CTNNA1: variants seen among roughly 807,000 people sequenced by gnomAD.
CTNNA1 encodes the protein catenin alpha 1, also known as catenin alpha-1.
Under a neutral mutation model 98.4 loss-of-function variants are expected in CTNNA1, and 37 were observed. The ratio of observed to expected loss-of-function variants is 0.38; its 90% CI spans 0.29 to 0.49. The LOEUF (loss-of-function observed/expected upper bound fraction) is 0.49. Among genes scored for constraint, CTNNA1 ranks in the 20% least tolerant of loss-of-function variants. The probability of loss-of-function intolerance (pLI) is 0.95; values close to 1 mark genes in which losing one functional copy is unlikely to be tolerated. For synonymous variants in CTNNA1, 404 were observed against 413.2 expected (o/e 0.98, Z 0.27); for missense variants, 761 against 1,147.2 (o/e 0.66, Z 4.86).
intron 1 of CTNNA1, among the ~76,000 whole-genome samples, chr5:138,757,178 A>G (rs1257954145): frequency 2.6e-5 from 4 of 152,032 alleles, no homozygotes; most frequent in African/African-American, 9.7e-5. Context: ...CCTGGGTGAC[A>G]GAGTGAGACC....
Position 138,886,217 on chromosome 5 carries a change from A to G in CTNNA1, c.1068A>G (p.Gly356=). ...DLLSEYMGNA[G]RKERSDALNS... ...TCTCTTTTCCTTTTATCCAGGCTGG[A>G]CGTAAAGAAAGAAGTGATGCACTCA... The change falls in exon 8 of 18, where the codon GGA becomes GGG. Residue 356 remains glycine (G), a synonymous_variant. Transcript: ENST00000302763. The G allele has an allele frequency of 6.2e-7, 1 of 1,610,166 alleles. No homozygotes were observed. Among genetic ancestry groups the G allele is most frequent in the Non-Finnish European group, 8.5e-7 (1 of 1,178,352 alleles).
At chr5:138,793,396 T>G (rs561342461) in intron 3 of CTNNA1, among the ~76,000 whole-genome samples, 4 of 152,356 alleles carry the variant, frequency 2.6e-5, no homozygotes, top group African/African-American at 9.6e-5. Context: ...TGTAGCCAGC[T>G]TGGAATTGAG....
At chr5:138,790,784 G>A (rs768976270) in intron 3 of CTNNA1, 1 of 152,224 alleles carries the variant, frequency 6.6e-6, no homozygotes, top group Non-Finnish European at 1.5e-5. Flanking sequence ...AGGTGATTGA[G>A]TGCTGCTGAA....
chr5:138,873,416 G>C lies in CTNNA1; in HGVS notation c.1063-12796G>C. Reference sequence around the variant, plus strand: ...GTAACTTGATGAGCTTATTCTTTTTGTATATTCAGTGGTTGGATCTCTATA... The same window carrying C: ...GTAACTTGATGAGCTTATTCTTTTTCTATATTCAGTGGTTGGATCTCTATA... On this transcript the variant is annotated intron_variant, in intron 7 of 17. Transcript: ENST00000302763. This position sits in a 1 kb window ranked among gnomAD's most constrained non-coding sequence, Gnocchi z 6.1. The C allele has an allele frequency of 5.0e-6, 8 of 1,613,978 alleles. No homozygotes were observed. Among genetic ancestry groups the C allele is most frequent in the African/African-American group, 1.3e-5 (1 of 75,020 alleles).
At chr5:138,918,475 G>C (rs1411974666) in intron 11 of CTNNA1, among the ~76,000 whole-genome samples, 1 of 152,198 alleles carries the variant, frequency 6.6e-6, no homozygotes, top group East Asian at 1.9e-4. Context: ...CTGTCTGCAT[G>C]ATGCACAGAT....
intron 9 of CTNNA1, among the ~76,000 whole-genome samples, chr5:138,892,910 G>C (rs59778237): frequency 4.6e-5 from 7 of 152,012 alleles, no homozygotes; most frequent in Non-Finnish European, 8.8e-5. Context: ...CAGCTACTCG[G>C]GAGGCTGAGG....
intron 1 of CTNNA1, among the ~76,000 whole-genome samples, chr5:138,770,766 C>T (rs1294519190): frequency 1.3e-5 from 2 of 152,116 alleles, no homozygotes; most frequent in African/African-American, 2.4e-5. Context: ...TCCTGGCTAA[C>T]ATGGTGAAAC....
At chr5:138,762,899 G>A (rs532359483) in intron 1 of CTNNA1, among the ~76,000 whole-genome samples, 2 of 152,056 alleles carry the variant, frequency 1.3e-5, no homozygotes, top group African/African-American at 2.4e-5. Context: ...TAGACTAAAA[G>A]GGCTTAACAG....
chr5:138,818,283 G>GA (rs1759659363), intron 5 of CTNNA1, among the ~76,000 whole-genome samples: 1 of 149,518 alleles, frequency 6.7e-6, no homozygotes, highest in Non-Finnish European at 1.5e-5. Context: ...TTTTTTTTTG[G>GA]GAGCGGGGGT....
chr5:138,926,063 C>T (rs967162918), intron 13 of CTNNA1, among the ~76,000 whole-genome samples: 9 of 152,194 alleles, frequency 5.9e-5, no homozygotes, highest in African/African-American at 2.2e-4. Context: ...GATGTCTTGT[C>T]CTCCTCCACC....
intron 5 of CTNNA1, among the ~76,000 whole-genome samples, chr5:138,823,956 CAAAAAAAAAAA>C (rs369653057): frequency 2.2e-4 from 14 of 64,422 alleles, no homozygotes; most frequent in Admixed American, 4.8e-4. Flanking sequence ...GACTCCGTCT[CAAAAAAAAAAA>C]AAAAAAAAAA....
intron 9 of CTNNA1, among the ~76,000 whole-genome samples, chr5:138,891,453 A>G (rs1755329956): frequency 6.6e-6 from 1 of 151,950 alleles, no homozygotes; most frequent in African/African-American, 2.4e-5. Flanking sequence ...CATGTGAATT[A>G]GAAGTACTTT....
chr5:138,756,749 T>C (rs536524219), intron 1 of CTNNA1, among the ~76,000 whole-genome samples: 13 of 152,290 alleles, frequency 8.5e-5, no homozygotes, highest in Admixed American at 2.6e-4. Context: ...GTAGGGAGTT[T>C]CATGATTTGA....
chr5:138,924,553 C>T lies in CTNNA1; in HGVS notation c.1590C>T (p.Leu530=), dbSNP rs1035585758. The T allele has an allele frequency of 6.2e-7, 1 of 1,614,184 alleles. No individual in the cohort carries two copies. Among genetic ancestry groups the T allele is most frequent in the Admixed American group, 1.7e-5 (1 of 60,018 alleles). ...LEDVNKCVIA[L]QEKDVDGLDR... is the part of the protein sequence containing the mutation. ...ATGTGAACAAATGTGTCATTGCTCT[C>T]CAAGAGAAGGATGTGGATGGCCTGG... Residue 530 remains leucine (L), a synonymous_variant, in exon 12 of 18, where the codon CTC becomes CTT. Transcript: ENST00000302763.
chr5:138,852,019 G>A (rs1000081336), intron 7 of CTNNA1, among the ~76,000 whole-genome samples: 1 of 152,126 alleles, frequency 6.6e-6, no homozygotes, highest in Non-Finnish European at 1.5e-5. Context: ...GCAGTGAGCC[G>A]AGATCGCAAC....
At chr5:138,881,175 G>A (rs558507903) in intron 7 of CTNNA1, 2 of 453,430 alleles carry the variant, frequency 4.4e-6, no homozygotes, top group South Asian at 3.1e-5. Flanking sequence ...CTTGATGCTT[G>A]TTGCGTTTGT....
At chr5:138,882,465 G>A (rs901240574) in intron 7 of CTNNA1, among the ~76,000 whole-genome samples, 5 of 152,150 alleles carry the variant, frequency 3.3e-5, no homozygotes, top group African/African-American at 4.8e-5. Flanking sequence ...TTTGTTTAGC[G>A]GAAGAGGTTA....
chr5:138,758,862 C>T (rs751120851), intron 1 of CTNNA1, among the ~76,000 whole-genome samples: 4 of 151,402 alleles, frequency 2.6e-5, no homozygotes, highest in Non-Finnish European at 5.9e-5. Context: ...GACTGGAGTG[C>T]AATGGCGTGA....
chr5:138,867,676 G>C (rs1182531633), intron 7 of CTNNA1, among the ~76,000 whole-genome samples: 1 of 151,936 alleles, frequency 6.6e-6, no homozygotes, highest in African/African-American at 2.4e-5. Flanking sequence ...CAACAAGAAG[G>C]ATGAAGGCCT....
Sources: gnomAD v4.1 joint callset for allele counts (sites outside exome capture counted in the v4.1 genomes callset) on GRCh38, gnomAD v4.1.1 for gene constraint, Gnocchi (gnomAD v3.1) non-coding constraint, MANE v1.5 for transcripts, NCBI Gene and HGNC (gene_info 2026-07-23, HGNC 2026-07-21) for gene names.